NRCAM: variants seen among roughly 807,000 people sequenced by gnomAD.
NRCAM encodes NgCAM-related cell adhesion molecule.
Under a neutral mutation model 156.5 loss-of-function variants are expected in NRCAM, and 83 were observed. The ratio of observed to expected loss-of-function variants is 0.53; its 90% confidence interval spans 0.44 to 0.64. NRCAM has a LOEUF of 0.64. Ranked by LOEUF, NRCAM falls within the 30% of genes least tolerant of loss-of-function variation. NRCAM has a pLI of 0.00. For synonymous variants in NRCAM, 538 were observed against 563.9 expected (o/e 0.95, Z 0.65); for missense variants, 1,417 against 1,597.3 (o/e 0.89, Z 1.92).
At chr7:108,262,698 T>C (rs981229320) in intron 3 of NRCAM, among the ~76,000 whole-genome samples, 11 of 152,214 alleles carry the variant, frequency 7.2e-5, no homozygotes, top group African/African-American at 2.2e-4. Flanking sequence ...TGGGGTCATT[T>C]CTTCTCAGGT....
At chr7:108,407,205 A>G (rs182133576) in intron 1 of NRCAM, among the ~76,000 whole-genome samples, 6 of 152,320 alleles carry the variant, frequency 3.9e-5, no homozygotes, top group Non-Finnish European at 5.9e-5. Flanking sequence ...ATTCTCACTT[A>G]ACCATACACC....
At chr7:108,419,013 T>C (rs1805536164) in intron 1 of NRCAM, among the ~76,000 whole-genome samples, 2 of 152,080 alleles carry the variant, frequency 1.3e-5, no homozygotes, top group Admixed American at 1.3e-4. Context: ...TAACAGGATA[T>C]ATGTATACTT....
At chr7:108,435,256 C>T (rs911473558) in intron 1 of NRCAM, among the ~76,000 whole-genome samples, 4 of 152,010 alleles carry the variant, frequency 2.6e-5, no homozygotes, top group African/African-American at 9.7e-5. Context: ...AGATCGATAC[C>T]TGAAATGAAA....
At chr7:108,329,281 T>G (rs2099102646) in intron 2 of NRCAM, among the ~76,000 whole-genome samples, 2 of 152,182 alleles carry the variant, frequency 1.3e-5, no homozygotes, top group Non-Finnish European at 2.9e-5. Flanking sequence ...GAGCTGGTAT[T>G]TTCATTAGAG....
At chr7:108,158,652 T>C (rs1448403291) in intron 32 of NRCAM, among the ~76,000 whole-genome samples, 4 of 152,226 alleles carry the variant, frequency 2.6e-5, no homozygotes, top group Middle Eastern at 3.4e-3. Flanking sequence ...GTATTTTATA[T>C]AAGCAAGGGG....
At chr7:108,440,075 G>A (rs1836867906) in intron 1 of NRCAM, among the ~76,000 whole-genome samples, 1 of 152,032 alleles carries the variant, frequency 6.6e-6, no homozygotes, top group South Asian at 2.1e-4. Flanking sequence ...AATATTCATA[G>A]CAACATTATT....
chr7:108,419,056 C>T (rs1217556697), intron 1 of NRCAM, among the ~76,000 whole-genome samples: 5 of 152,080 alleles, frequency 3.3e-5, no homozygotes, highest in Admixed American at 1.3e-4. Context: ...AAAAAATCAC[C>T]GTATGTCCGC....
chr7:108,342,249 C>T (rs1045839301), intron 2 of NRCAM, among the ~76,000 whole-genome samples: 1 of 152,234 alleles, frequency 6.6e-6, no homozygotes, highest in African/African-American at 2.4e-5. Flanking sequence ...TTCCTTGCCA[C>T]CTGTGGCTAC....
intron 11 of NRCAM, among the ~76,000 whole-genome samples, chr7:108,210,011 T>C (rs536948177): frequency 2.0e-5 from 3 of 152,320 alleles, no homozygotes; most frequent in East Asian, 1.9e-4. Flanking sequence ...GGATTAAACA[T>C]GTACAGAGAA....
At chr7:108,443,545 A>G (rs1173678409) in intron 1 of NRCAM, among the ~76,000 whole-genome samples, 1 of 152,184 alleles carries the variant, frequency 6.6e-6, no homozygotes, top group Non-Finnish European at 1.5e-5. Context: ...TGCTTTCCTC[A>G]GCTTGAGTAA....
In NRCAM at chr7:108,359,781, A is replaced by G. The variant is rs1233496103; in HGVS notation, c.-174+39655T>C. 3.9e-5 allele frequency among the ~76,000 whole-genome samples: 6 copies of G among 152,206 alleles called. No homozygotes were observed. In the East Asian group the frequency reaches 1.2e-3, roughly 29 times the overall value. On this transcript the variant is annotated intron_variant, in intron 2 of 32. Coordinates refer to ENST00000379028, the MANE Select transcript of NRCAM (RefSeq NM_001037132.4). ...AGTGTCCAGTTTGATGAGCTGTGAC[A>G]AATGTCTGTTACCATGTAGCTCCAA... is the stretch of plus-strand genomic sequence containing the variant.
At chr7:108,222,124 A>T (rs2092489681) in intron 11 of NRCAM, among the ~76,000 whole-genome samples, 2 of 152,228 alleles carry the variant, frequency 1.3e-5, no homozygotes, top group South Asian at 4.1e-4. Flanking sequence ...ATCTGATAAC[A>T]TATTGATATT....
At chr7:108,298,454 G>T (rs573284225) in intron 3 of NRCAM, among the ~76,000 whole-genome samples, 2 of 150,600 alleles carry the variant, frequency 1.3e-5, no homozygotes, top group Non-Finnish European at 2.9e-5. Flanking sequence ...GACCATATTG[G>T]CTAACACGGT....
At chr7:108,350,861 G>A (rs887029889) in intron 2 of NRCAM, among the ~76,000 whole-genome samples, 1 of 151,844 alleles carries the variant, frequency 6.6e-6, no homozygotes, top group African/African-American at 2.4e-5. Context: ...TTCTTTTCAT[G>A]ATCTTACATA....
intron 32 of NRCAM, among the ~76,000 whole-genome samples, chr7:108,153,269 C>T (rs1215318098): frequency 1.3e-5 from 2 of 151,944 alleles, no homozygotes; most frequent in Non-Finnish European, 2.9e-5. Context: ...TGGGTTTATT[C>T]CAAGAATGCA....
At chr7:108,155,167 C>G (rs2044553860) in intron 32 of NRCAM, among the ~76,000 whole-genome samples, 1 of 147,618 alleles carries the variant, frequency 6.8e-6, no homozygotes, top group African/African-American at 2.5e-5. Flanking sequence ...TGATTTTAAT[C>G]AAGTTTTAAT....
intron 3 of NRCAM, among the ~76,000 whole-genome samples, chr7:108,306,476 T>C (rs1460562450): frequency 3.9e-5 from 6 of 152,228 alleles, no homozygotes; most frequent in African/African-American, 1.4e-4. Flanking sequence ...CCATTTCTTC[T>C]ATGGCTGAAC....
At chr7:108,446,290 T>C (rs1210053756) in intron 1 of NRCAM, among the ~76,000 whole-genome samples, 1 of 152,132 alleles carries the variant, frequency 6.6e-6, no homozygotes, top group Non-Finnish European at 1.5e-5. Flanking sequence ...CAAATTACAA[T>C]CTACAGAGTC....
chr7:108,343,404 G>A (rs1299282877), intron 2 of NRCAM, among the ~76,000 whole-genome samples: 1 of 152,132 alleles, frequency 6.6e-6, no homozygotes, highest in East Asian at 1.9e-4. Flanking sequence ...CTAAAGAGGT[G>A]GCAGTCTTAC....
Sources: gnomAD v4.1 joint callset for allele counts (sites outside exome capture counted in the v4.1 genomes callset) on GRCh38, gnomAD v4.1.1 for gene constraint, MANE v1.5 for transcripts, NCBI Gene and HGNC (gene_info 2026-07-23, HGNC 2026-07-21) for gene names.